GSTM3: variants seen among roughly 807,000 people sequenced by gnomAD.
GSTM3 encodes GST class-mu 3.
In GSTM3, 34 loss-of-function variants were observed where a neutral mutation model predicts 36.1. The observed-to-expected ratio is 0.94, with a 90% confidence interval of 0.72 to 1.25. The LOEUF (loss-of-function observed/expected upper bound fraction) is 1.25. GSTM3 is among the 50% of genes most tolerant of loss of function. The probability of loss-of-function intolerance (pLI) is 0.00; values close to 1 mark genes in which losing one functional copy is unlikely to be tolerated. For synonymous variants in GSTM3, 102 were observed against 99.5 expected, an observed-to-expected ratio of 1.03 and a Z score of -0.15; for missense variants, 266 against 281.6, an observed-to-expected ratio of 0.94 and a Z score of 0.40.
intron 2 of GSTM3, 43 bp from the exon 3 acceptor site, chr1:109,739,951 T>C (rs763918952): frequency 2.2e-5 from 31 of 1,403,550 alleles, no homozygotes; most frequent in Non-Finnish European, 3.0e-5. Context: ...CTCCCACCCA[T>C]TCCCAACCCC....
chr1:109,739,329 C>G (rs934683156), intron 4 of GSTM3, 100 bp downstream of exon 4: 80 of 688,048 alleles, frequency 1.2e-4, no homozygotes, highest in Non-Finnish European at 1.8e-4. Context: ...GGGTTAAGAT[C>G]CCCTATTTTG....
rs548285750 is a variant in GSTM3, at chr1:109,740,976, A to G, written c.-248T>C. On this transcript the variant is annotated 5_prime_UTR_variant, in exon 1 of 9. Transcript: ENST00000361066. ...ACCTGCATCCTAATTTCCACAGCCT[A>G]TCCTTCCTCAGCAGCCTTGCTGAAA... is the stretch of plus-strand genomic sequence containing the variant. 6 of 152,852 alleles carry G rather than the reference A, an allele frequency of 3.9e-5. No individual in the cohort carries two copies. Among genetic ancestry groups the G allele is most frequent in the Admixed American group, 2.6e-4 (4 of 15,332 alleles). The allele number at this position is 152,852 out of a possible 1,614,324, so 9.5% of individuals were successfully genotyped here. A position where few individuals can be genotyped will look rare whatever the true frequency, so the allele number is the denominator to read the frequency against.
chr1:109,737,339 T>C, intron 8 of GSTM3, 118 bp downstream of exon 8: 1 of 826,210 alleles, frequency 1.2e-6, no homozygotes, highest in Non-Finnish European at 2.1e-6. Context: ...GGTCTAGAGG[T>C]GTCCAACCAT....
chr1:109,735,633 G>GAGTTTTTTTTTTTTTTTTTTTTTTTTTTT lies in GSTM3; in HGVS notation c.*1437_*1438insAAAAAAAAAAAAAAAAAAAAAAAAAAACT. 1 of 60,722 alleles carries GAGTTTTTTTTTTTTTTTTTTTTTTTTTTT rather than the reference G, an allele frequency of 1.6e-5. No individual in the cohort carries two copies. The allele number at this position is 60,722 out of a possible 1,614,324, so 3.8% of individuals were successfully genotyped here. A position where few individuals can be genotyped will look rare whatever the true frequency, so the allele number is the denominator to read the frequency against. On this transcript the variant is annotated 3_prime_UTR_variant, in exon 9 of 9. Transcript: ENST00000361066. ...CATCTTAGTATATGTCTCTTTGAAT[G>GAGTTTTTTTTTTTTTTTTTTTTTTTTTTT]TTTTTTTTTTTTTTTTTTTTTTTTT...
In GSTM3 at chr1:109,735,718, C is replaced by T. The variant is rs1649182273; in HGVS notation, c.*1353G>A. On this transcript the variant is annotated 3_prime_UTR_variant, in exon 9 of 9. Coordinates refer to ENST00000361066, the MANE Select transcript of GSTM3 (RefSeq NM_000849.5). ...AGTGCAGTGGCGTGATCTCGGCTCACTGCAACCTCTGCCTCCCAGGTTCAA... is the reference window on the plus strand; with the variant it reads ...AGTGCAGTGGCGTGATCTCGGCTCATTGCAACCTCTGCCTCCCAGGTTCAA... 1 of 143,980 alleles carries T rather than the reference C, an allele frequency of 6.9e-6. No homozygotes were observed. The highest frequency in any genetic ancestry group is 1.5e-5 in the Non-Finnish European group (1 of 67,006). 8.9% of individuals were successfully genotyped at this position (143,980 alleles called of 1,614,324 possible).
intron 2 of GSTM3, 81 bp from the exon 3 acceptor site, chr1:109,739,989 C>T (rs1649320666): frequency 8.4e-7 from 1 of 1,184,638 alleles, no homozygotes; most frequent in Non-Finnish European, 1.2e-6. Context: ...CGGCCCGGGG[C>T]TGCCGAGTCC....
intron 6 of GSTM3, 79 bp from the exon 7 acceptor site, chr1:109,737,830 A>C (rs766949113): frequency 3.2e-5 from 28 of 866,566 alleles, no homozygotes; most frequent in Admixed American, 8.9e-5. Context: ...ATGGACACTT[A>C]GTAGCCCCTT....
chr1:109,737,615 C>T, intron 7 of GSTM3, 41 bp downstream of exon 7: 1 of 1,530,992 alleles, frequency 6.5e-7, no homozygotes, highest in Non-Finnish European at 9.0e-7. Flanking sequence ...TAGTAGCCTG[C>T]AGAGATAGAG....
rs186960043 is a variant in GSTM3 at position 109,733,951 on chromosome 1, T to A, written c.*3120A>T. 29 of 151,708 alleles carry A rather than the reference T, an allele frequency of 1.9e-4. No homozygotes were observed. Among genetic ancestry groups the A allele is most frequent in the African/African-American group, 6.8e-4 (28 of 41,216 alleles). 9.4% of individuals were successfully genotyped at this position (151,708 alleles called of 1,614,324 possible). A position where few individuals can be genotyped will look rare whatever the true frequency, so the allele number is the denominator to read the frequency against. ...GACATGGAGAGTGAGTAGGGCAGAGTAGAATTTATTGGGAAAAAGGAAAGC... is the reference window on the plus strand; with the variant it reads ...GACATGGAGAGTGAGTAGGGCAGAGAAGAATTTATTGGGAAAAAGGAAAGC... On this transcript the variant is annotated 3_prime_UTR_variant, in exon 9 of 9. Coordinates refer to ENST00000361066, the MANE Select transcript of GSTM3 (RefSeq NM_000849.5).
intron 8 of GSTM3, 101 bp downstream of exon 8, chr1:109,737,356 C>T (rs777263971): frequency 2.3e-6 from 2 of 882,564 alleles, no homozygotes; most frequent in Admixed American, 3.7e-5. Context: ...CCATTGATCC[C>T]ATTAGGCAAA....
In GSTM3 at chr1:109,735,527, T is replaced by G. The variant is rs1396400524; in HGVS notation, c.*1544A>C. 6.6e-6 allele frequency: 1 copy of G among 152,108 alleles called. No individual in the cohort carries two copies. Among genetic ancestry groups the G allele is most frequent in the East Asian group, 1.9e-4 (1 of 5,204 alleles). The allele number at this position is 152,108 out of a possible 1,614,324, so 9.4% of individuals were successfully genotyped here. ...CACACAGTTCAGTCTCATTCTTCCG[T>G]TGCCACATGGTACTCCATAGTATTG... is the stretch of plus-strand genomic sequence containing the variant. On this transcript the variant is annotated 3_prime_UTR_variant, in exon 9 of 9. Transcript: ENST00000361066.
At chr1:109,738,430 C>G in intron 4 of GSTM3, 64 bp from the exon 5 acceptor site, 1 of 1,060,798 alleles carries the variant, frequency 9.4e-7, no homozygotes, top group Admixed American at 1.7e-5. Context: ...ACCTCTCTCT[C>G]CAGGGGAAAA....
chr1:109,740,134 G>C, intron 2 of GSTM3, 106 bp downstream of exon 2: 1 of 1,106,500 alleles, frequency 9.0e-7, no homozygotes, highest in East Asian at 2.6e-5. Flanking sequence ...AGCTCGAAAA[G>C]GCTCCCGCGT....
intron 6 of GSTM3, 103 bp downstream of exon 6, chr1:109,737,988 T>C: frequency 1.3e-6 from 1 of 792,232 alleles, no homozygotes; most frequent in South Asian, 1.5e-5. Flanking sequence ...TCTGGATTGG[T>C]GGGAAGGTAG....
intron 2 of GSTM3, 46 bp downstream of exon 2, chr1:109,740,194 G>C: frequency 6.4e-7 from 1 of 1,553,610 alleles, no homozygotes; most frequent in Non-Finnish European, 8.9e-7. Context: ...CCCTCTCCGC[G>C]TCAGTCTCTT....
At chr1:109,739,739 C>T in intron 3 of GSTM3, 94 bp downstream of exon 3, 1 of 960,022 alleles carries the variant, frequency 1.0e-6, no homozygotes, top group Non-Finnish European at 1.6e-6. Flanking sequence ...ACGTCCCACC[C>T]GGCCTTGGCG....
chr1:109,738,021 T>C (rs147511086), intron 6 of GSTM3, 70 bp downstream of exon 6: 3 of 948,096 alleles, frequency 3.2e-6, no homozygotes, highest in South Asian at 2.6e-5. Context: ...GGAACAGAGA[T>C]AACCCTTGGG....
In GSTM3 at chr1:109,740,371, C is replaced by A. The variant is rs770652034; in HGVS notation, c.-84G>T. 1 of 1,276,720 alleles carries A rather than the reference C, an allele frequency of 7.8e-7. No individual in the cohort carries two copies. The highest frequency in any genetic ancestry group is 1.5e-5 in the African/African-American group (1 of 67,364). The allele number at this position is 1,276,720 out of a possible 1,614,324, so 79.1% of individuals were successfully genotyped here. A position where few individuals can be genotyped will look rare whatever the true frequency, so the allele number is the denominator to read the frequency against. ...ACCCGACATAAGGGGGCGGGGCCCA[C>A]GCGCGGGCGCCCTGACTCCGCCTCC... On this transcript the variant is annotated 5_prime_UTR_variant, in exon 2 of 9. Transcript: ENST00000361066.
chr1:109,740,021 G>C, intron 2 of GSTM3, 113 bp from the exon 3 acceptor site: 1 of 988,436 alleles, frequency 1.0e-6, no homozygotes, highest in Non-Finnish European at 1.5e-6. Context: ...CGGGGCGGTG[G>C]TTAAGCGGCC....
Sources: gnomAD v4.1 joint callset for allele counts on GRCh38, gnomAD v4.1.1 for gene constraint, MANE v1.5 for transcripts, NCBI Gene and HGNC (gene_info 2026-07-23, HGNC 2026-07-21) for gene names.